Variants in SLC10A7 observed in about 807,000 individuals in gnomAD.
SLC10A7 encodes the protein sodium/bile acid cotransporter 7.
SLC10A7 carries 29 observed loss-of-function variants against 43.2 expected under a neutral mutation model. The observed-to-expected ratio is 0.67, with a 90% CI of 0.50 to 0.92. SLC10A7 has a LOEUF of 0.92. SLC10A7 is among the 40% of genes least tolerant of loss of function. The pLI is 0.00. For missense variants in SLC10A7, 295 were observed against 403.2 expected (o/e 0.73, Z 2.30); for synonymous variants, 152 against 144.8 (o/e 1.05, Z -0.35).
At chr4:146,494,746 G>A (rs1164073454) in intron 4 of SLC10A7, among the ~76,000 whole-genome samples, 1 of 152,128 alleles carries the variant, frequency 6.6e-6, no homozygotes, top group African/African-American at 2.4e-5. Context: ...AGTGGTATCA[G>A]TCATGGAGGA....
intron 5 of SLC10A7, among the ~76,000 whole-genome samples, chr4:146,377,711 G>A (rs1737303970): frequency 6.6e-6 from 1 of 152,110 alleles, no homozygotes; most frequent in African/African-American, 2.4e-5. Flanking sequence ...GGTGTGCAGA[G>A]GACAACTACA....
chr4:146,452,760 T>C (rs150438316), intron 4 of SLC10A7, among the ~76,000 whole-genome samples: 20 of 152,098 alleles, frequency 1.3e-4, no homozygotes, highest in Non-Finnish European at 2.8e-4. Flanking sequence ...CTACGCTCAA[T>C]ATTAAGAGGG....
intron 4 of SLC10A7, among the ~76,000 whole-genome samples, chr4:146,488,760 T>C (rs1464905857): frequency 6.6e-6 from 1 of 152,164 alleles, no homozygotes; most frequent in Admixed American, 6.5e-5. Flanking sequence ...GCGTGAATAA[T>C]TGAGAGAAGC....
At chr4:146,379,848 T>C (rs1737475626) in intron 5 of SLC10A7, among the ~76,000 whole-genome samples, 1 of 152,136 alleles carries the variant, frequency 6.6e-6, no homozygotes, top group African/African-American at 2.4e-5. Context: ...CTTGATAGCT[T>C]GAAGAATGGC....
chr4:146,290,926 G>A (rs1203430517), intron 9 of SLC10A7, among the ~76,000 whole-genome samples: 1 of 146,420 alleles, frequency 6.8e-6, no homozygotes, highest in Non-Finnish European at 1.5e-5. Flanking sequence ...AGTGAATGCA[G>A]AATAAGCAAG....
intron 5 of SLC10A7, among the ~76,000 whole-genome samples, chr4:146,371,871 G>T (rs1473819746): frequency 1.3e-5 from 2 of 152,148 alleles, no homozygotes; most frequent in Non-Finnish European, 2.9e-5. Context: ...GAGAAGTCCA[G>T]ATGGTTGGGG....
intron 2 of SLC10A7, among the ~76,000 whole-genome samples, chr4:146,512,924 C>CA (rs915259924): frequency 3.3e-5 from 5 of 151,266 alleles, no homozygotes; most frequent in Non-Finnish European, 7.4e-5. Context: ...ATTTGATGTA[C>CA]AAAAAAAATG....
At chr4:146,428,180 AAAAC>A (rs554387449) in intron 5 of SLC10A7, among the ~76,000 whole-genome samples, 146 of 152,208 alleles carry the variant, frequency 9.6e-4, no homozygotes, top group African/African-American at 3.1e-3. Context: ...CCCTAACTCA[AAAAC>A]AAACAAACAA....
chr4:146,365,961 A>G (rs555570020), intron 5 of SLC10A7, among the ~76,000 whole-genome samples: 22 of 152,236 alleles, frequency 1.4e-4, no homozygotes, highest in Non-Finnish European at 2.9e-4. Flanking sequence ...GCAGCATTAC[A>G]TTCTCATAGG....
At chr4:146,495,331 A>G (rs547954616) in intron 4 of SLC10A7, among the ~76,000 whole-genome samples, 2 of 152,354 alleles carry the variant, frequency 1.3e-5, no homozygotes, top group East Asian at 1.9e-4. Flanking sequence ...TGACTGACAG[A>G]TAAGATTTCC....
At chr4:146,366,196 C>T (rs1736379472) in intron 5 of SLC10A7, among the ~76,000 whole-genome samples, 1 of 152,182 alleles carries the variant, frequency 6.6e-6, no homozygotes, top group African/African-American at 2.4e-5. Context: ...TCAGATAATA[C>T]AGTTTTACAT....
Position 146,326,014 on chromosome 4 carries a change from GAGGATGATCAT to G in SLC10A7, c.436-29_436-19del. On this transcript the variant is annotated intron_variant, in intron 5 of 11. Coordinates refer to ENST00000335472, the MANE Select transcript of SLC10A7 (RefSeq NM_001029998.6). ...ACGATGCCCTGAAAGAAATAAAAGA[GAGGATGATCAT>G]TTATCAGCCTGGAAAGCAGGACACT... The G allele has an allele frequency of 6.2e-7, 1 of 1,608,742 alleles. No individual in the cohort carries two copies. Among genetic ancestry groups the G allele is most frequent in the Non-Finnish European group, 8.5e-7 (1 of 1,177,458 alleles).
chr4:146,313,153 G>C (rs1732092238), intron 6 of SLC10A7, among the ~76,000 whole-genome samples: 1 of 152,138 alleles, frequency 6.6e-6, no homozygotes, highest in African/African-American at 2.4e-5. Context: ...TCCAACTCTG[G>C]ATTGACCCTA....
intron 5 of SLC10A7, among the ~76,000 whole-genome samples, chr4:146,393,129 T>C (rs1738561980): frequency 7.1e-6 from 1 of 140,448 alleles, no homozygotes; most frequent in African/African-American, 2.7e-5. Context: ...GAGGTAGCGG[T>C]TGCAGTGAGC....
intron 5 of SLC10A7, among the ~76,000 whole-genome samples, chr4:146,337,020 C>T (rs1222953181): frequency 6.6e-6 from 1 of 151,794 alleles, no homozygotes; most frequent in Non-Finnish European, 1.5e-5. Context: ...CTTTTTCTAT[C>T]CAGGTTAAGA....
intron 5 of SLC10A7, among the ~76,000 whole-genome samples, chr4:146,385,330 T>C (rs1044623368): frequency 6.6e-6 from 1 of 152,120 alleles, no homozygotes; most frequent in South Asian, 2.1e-4. Flanking sequence ...GTAACTGCGG[T>C]TTTTGCCATT....
chr4:146,311,901 T>C (rs979173516), intron 6 of SLC10A7, among the ~76,000 whole-genome samples: 6 of 152,136 alleles, frequency 3.9e-5, no homozygotes, highest in Admixed American at 3.9e-4. Context: ...ATACACGATA[T>C]AGTTCAGCTT....
chr4:146,307,287 T>G (rs1731647968), intron 6 of SLC10A7, among the ~76,000 whole-genome samples: 1 of 152,178 alleles, frequency 6.6e-6, no homozygotes, highest in Admixed American at 6.5e-5. Flanking sequence ...GGCTGTCTAT[T>G]TAACCCATAA....
chr4:146,313,250 A>G (rs1732101246), intron 6 of SLC10A7, among the ~76,000 whole-genome samples: 1 of 152,076 alleles, frequency 6.6e-6, no homozygotes, highest in Admixed American at 6.6e-5. Context: ...GACTGCCCCA[A>G]CTCATCCCAT....
Sources: allele counts gnomAD v4.1 joint callset (sites outside exome capture counted in the v4.1 genomes callset), GRCh38; gene constraint gnomAD v4.1.1; transcripts MANE v1.5; gene names NCBI Gene and HGNC (gene_info 2026-07-23, HGNC 2026-07-21).